HEATR5A: variants seen among roughly 807,000 people sequenced by gnomAD.
The protein encoded by HEATR5A is HEAT repeat-containing protein 5A.
HEATR5A carries 178 observed loss-of-function variants against 218.8 expected under a neutral mutation model. The ratio of observed to expected loss-of-function variants is 0.81; its 90% CI spans 0.72 to 0.92. The LOEUF is 0.92. HEATR5A is among the 40% of genes least tolerant of loss of function. HEATR5A has a pLI of 0.00. For synonymous variants in HEATR5A, 864 were observed against 871.6 expected, an observed-to-expected ratio of 0.99 and a Z score of 0.15; for missense variants, 2,420 against 2,418.9, an observed-to-expected ratio of 1.00 and a Z score of -0.01.
chr14:31,389,578 AAGGC>A (rs2139287227), intron 6 of HEATR5A, among the ~76,000 whole-genome samples: 1 of 152,302 alleles, frequency 6.6e-6, no homozygotes, highest in Non-Finnish European at 1.5e-5. Flanking sequence ...GAGATTAATT[AAGGC>A]AGGAATGTTT....
chr14:31,407,998 C>T (rs917561892), intron 1 of HEATR5A, among the ~76,000 whole-genome samples: 3 of 152,140 alleles, frequency 2.0e-5, no homozygotes, highest in Non-Finnish European at 4.4e-5. Context: ...ATTGTATGTG[C>T]TTACCCTAAA....
At chr14:31,295,043 T>A (rs1023840960) in intron 34 of HEATR5A, among the ~76,000 whole-genome samples, 11 of 152,192 alleles carry the variant, frequency 7.2e-5, no homozygotes, top group African/African-American at 2.7e-4. Context: ...TTTTAATAAT[T>A]ATTTTTTCTG....
At chr14:31,302,744 G>GTT (rs1899426104) in intron 32 of HEATR5A, 1 of 490,382 alleles carries the variant, frequency 2.0e-6, no homozygotes, top group Non-Finnish European at 3.6e-6. Flanking sequence ...AATAAATTGT[G>GTT]TGAGTATCAT....
At chr14:31,396,665 T>C (rs937634545) in intron 4 of HEATR5A, among the ~76,000 whole-genome samples, 1 of 152,210 alleles carries the variant, frequency 6.6e-6, no homozygotes, top group Non-Finnish European at 1.5e-5. Flanking sequence ...AAAATAATGC[T>C]AACGAGCAAC....
intron 22 of HEATR5A, among the ~76,000 whole-genome samples, 169 bp downstream of exon 22, chr14:31,337,307 C>T (rs1313023143): frequency 6.6e-6 from 1 of 152,190 alleles, no homozygotes; most frequent in Non-Finnish European, 1.5e-5. Context: ...TTGAGAACCA[C>T]CACTCTAAAT....
chr14:31,312,890 C>T, intron 28 of HEATR5A, 78 bp downstream of exon 28: 1 of 1,204,320 alleles, frequency 8.3e-7, no homozygotes, highest in Non-Finnish European at 1.2e-6. Flanking sequence ...AAAGTAAGAC[C>T]CTGTCAAAAA....
chr14:31,393,578 T>C (rs1160548254), intron 6 of HEATR5A, among the ~76,000 whole-genome samples: 1 of 152,256 alleles, frequency 6.6e-6, no homozygotes, highest in Non-Finnish European at 1.5e-5. Flanking sequence ...CAAGAGTTCT[T>C]GTAAATTTTC....
intron 25 of HEATR5A, chr14:31,320,272 C>T: frequency 2.8e-6 from 2 of 712,022 alleles, no homozygotes; most frequent in South Asian, 2.7e-5. Flanking sequence ...AGAAGAGCCC[C>T]ATGGCCTCAG....
rs746953685 is a variant in HEATR5A at position 31,326,147 on chromosome 14, A to C, written c.3547+16T>G. 1.3e-6 allele frequency: 2 copies of C among 1,595,458 alleles called. No homozygotes were observed. The highest frequency in any genetic ancestry group is 2.7e-5 in the African/African-American group (2 of 74,616). ...TTTCAATTTTATTATTTTAACTGATAATGTCCAATACTTACCAGCTGATGC... is the reference window on the plus strand; with the variant it reads ...TTTCAATTTTATTATTTTAACTGATCATGTCCAATACTTACCAGCTGATGC... On this transcript the variant is annotated intron_variant, in intron 23 of 35. Coordinates refer to ENST00000543095, the MANE Select transcript of HEATR5A (RefSeq NM_015473.4).
chr14:31,374,989 C>T lies in HEATR5A; in HGVS notation c.1709-21G>A, dbSNP rs777379644. ...AGGACCTGTAATTTATTCAACTTGT[C>T]ACTTGTAAGAGAATCCAAGGTTGTC... On this transcript the variant is annotated intron_variant, in intron 11 of 35. Transcript: ENST00000543095. 2.5e-6 allele frequency: 4 copies of T among 1,579,474 alleles called. No individual in the cohort carries two copies. The East Asian group carries it at 9.1e-5, about 36-fold the overall frequency.
chr14:31,336,797 C>CA (rs1900686599), intron 22 of HEATR5A, among the ~76,000 whole-genome samples: 1 of 152,156 alleles, frequency 6.6e-6, no homozygotes, highest in Admixed American at 6.6e-5. Flanking sequence ...CAGTGGCTCT[C>CA]AAACTTTAGT....
At chr14:31,319,832 C>G (rs1255948524) in intron 25 of HEATR5A, among the ~76,000 whole-genome samples, 2 of 152,058 alleles carry the variant, frequency 1.3e-5, no homozygotes, top group Non-Finnish European at 2.9e-5. Flanking sequence ...ATCACTTGAG[C>G]CCAAGAGTTT....
At position 31,387,389 on chromosome 14, in the gene HEATR5A, G is replaced by T. The variant is rs774635361; in HGVS notation, c.934-14C>A. 2 of 1,585,744 alleles carry T rather than the reference G, an allele frequency of 1.3e-6. No homozygotes were observed. Among genetic ancestry groups the T allele is most frequent in the South Asian group, 1.1e-5 (1 of 89,216 alleles). On this transcript the variant is annotated splice_polypyrimidine_tract_variant and intron_variant, in intron 7 of 35. Coordinates refer to ENST00000543095, the MANE Select transcript of HEATR5A (RefSeq NM_015473.4). ...TACCACATAAGCCTAAAAAGGAAAA[G>T]AGTTTTATTTTCAATATTAAATTGT...
At chr14:31,297,834 A>T (rs542129928) in intron 33 of HEATR5A, 2 of 152,328 alleles carry the variant, frequency 1.3e-5, no homozygotes, top group Non-Finnish European at 2.9e-5. Flanking sequence ...TGTCCAAGTC[A>T]CACAATTAGT....
chr14:31,346,582 T>C (rs1355597136), intron 19 of HEATR5A, among the ~76,000 whole-genome samples: 1 of 152,184 alleles, frequency 6.6e-6, no homozygotes, highest in African/African-American at 2.4e-5. Flanking sequence ...ATAAATCATC[T>C]GTAGAAGTCA....
chr14:31,406,898 T>A (rs1414193026), intron 1 of HEATR5A, among the ~76,000 whole-genome samples: 1 of 135,976 alleles, frequency 7.4e-6, no homozygotes, highest in Non-Finnish European at 1.5e-5. Flanking sequence ...ACCCGGGAGG[T>A]AGAGGTTGCA....
Position 31,364,302 on chromosome 14 carries a change from A to C in HEATR5A, c.1962-4T>G, listed in dbSNP as rs553584364. 2.1e-6 allele frequency: 3 copies of C among 1,413,734 alleles called. No individual in the cohort carries two copies. The Admixed American group carries it at 6.7e-5, about 32-fold the overall frequency. 87.6% of individuals were successfully genotyped at this position (1,413,734 alleles called of 1,614,324 possible). On this transcript the variant is annotated splice_polypyrimidine_tract_variant and splice_region_variant and intron_variant, in intron 13 of 35. Transcript: ENST00000543095. ...CATTTTTAGTATTGAAGAAAGCCTT[A>C]AAATAAAAGAAAAAGTGTATCTTAA...
intron 1 of HEATR5A, among the ~76,000 whole-genome samples, chr14:31,413,184 A>G (rs1282943749): frequency 6.6e-6 from 1 of 152,196 alleles, no homozygotes; most frequent in African/African-American, 2.4e-5. Context: ...TCACCACTGC[A>G]TAATACAAAG....
At chr14:31,306,199 T>C (rs541298682) in intron 31 of HEATR5A, among the ~76,000 whole-genome samples, 47 of 152,294 alleles carry the variant, frequency 3.1e-4, no homozygotes, top group Non-Finnish European at 5.9e-4. Context: ...CATGCCAGGC[T>C]AGGCATGATG....
Sources: gnomAD v4.1 joint callset for allele counts (sites outside exome capture counted in the v4.1 genomes callset) on GRCh38, gnomAD v4.1.1 for gene constraint, MANE v1.5 for transcripts, NCBI Gene and HGNC (gene_info 2026-07-23, HGNC 2026-07-21) for gene names.